Variants in YWHAG observed in about 807,000 individuals in gnomAD.
YWHAG encodes the protein 14-3-3 protein gamma.
YWHAG carries 1 observed loss-of-function variant against 23.3 expected under a neutral mutation model. That is an observed-to-expected ratio of 0.04 (90% CI 0.02 to 0.20). The LOEUF (loss-of-function observed/expected upper bound fraction) is 0.20. Ranked by LOEUF, YWHAG falls within the 10% of genes least tolerant of loss-of-function variation. The probability of loss-of-function intolerance (pLI) is 1.00; values close to 1 mark genes in which losing one functional copy is unlikely to be tolerated. For missense variants in YWHAG, 151 were observed against 338.6 expected (o/e 0.45, Z 4.35); for synonymous variants, 160 against 144.0 (o/e 1.11, Z -0.80).
chr7:76,336,028 A>T (rs1803610872), intron 1 of YWHAG, among the ~76,000 whole-genome samples: 1 of 152,202 alleles, frequency 6.6e-6, no homozygotes, highest in South Asian at 2.1e-4. Context: ...TCGGGGCTCA[A>T]GCAATCAATC....
chr7:76,341,218 C>A (rs956092781), intron 1 of YWHAG, among the ~76,000 whole-genome samples: 2 of 151,882 alleles, frequency 1.3e-5, no homozygotes, highest in East Asian at 3.9e-4. Flanking sequence ...CATGGTGAAA[C>A]CCCATCTCTA....
chr7:76,336,851 C>T (rs1156297779), intron 1 of YWHAG, among the ~76,000 whole-genome samples: 1 of 150,966 alleles, frequency 6.6e-6, no homozygotes, highest in African/African-American at 2.4e-5. Flanking sequence ...AATATTGTCA[C>T]CTGAAAGGGC....
intron 1 of YWHAG, among the ~76,000 whole-genome samples, chr7:76,356,417 A>T (rs1803960054): frequency 6.6e-6 from 1 of 152,260 alleles, no homozygotes; most frequent in Non-Finnish European, 1.5e-5. Context: ...AAGGAGCAGA[A>T]GCACAAATCT....
At chr7:76,341,404 C>CAAAA (rs1158151013) in intron 1 of YWHAG, among the ~76,000 whole-genome samples, 1,225 of 44,642 alleles carry the variant, frequency 0.027, 188 homozygotes, top group Non-Finnish European at 0.033. Flanking sequence ...ACTCTTGCCT[C>CAAAA]AAAAAAAAAA....
At chr7:76,337,435 T>G (rs1803631863) in intron 1 of YWHAG, among the ~76,000 whole-genome samples, 1 of 152,182 alleles carries the variant, frequency 6.6e-6, no homozygotes, top group African/African-American at 2.4e-5. Context: ...CAGCTTGGAA[T>G]AATGATGCGT....
At chr7:76,339,566 T>C (rs1803661665) in intron 1 of YWHAG, among the ~76,000 whole-genome samples, 2 of 152,168 alleles carry the variant, frequency 1.3e-5, no homozygotes, top group South Asian at 4.1e-4. Flanking sequence ...AGTAATAACA[T>C]ACAGAATACA....
At chr7:76,358,594 C>G (rs1360528394) in intron 1 of YWHAG, 128 bp downstream of exon 1, 3 of 941,936 alleles carry the variant, frequency 3.2e-6, no homozygotes, top group Non-Finnish European at 4.6e-6. Context: ...TCCCCAGCCC[C>G]CCTCAGTGAG....
rs1804001033 is a variant in YWHAG, at chr7:76,358,633, G to C, written c.87+89C>G. 7.5e-6 allele frequency: 10 copies of C among 1,329,410 alleles called. 1 individual carries two copies. The South Asian group carries it at 1.4e-4, about 19-fold the overall frequency. 82.4% of individuals were successfully genotyped at this position (1,329,410 alleles called of 1,614,324 possible). ...GACGGGGCGGTCAACCCGCCATCGC[G>C]ACAGGGCGACGAAGCCCCGGGCCTT... On this transcript the variant is annotated intron_variant, in intron 1 of 1. Coordinates refer to ENST00000307630, the MANE Select transcript of YWHAG (RefSeq NM_012479.4).
intron 1 of YWHAG, among the ~76,000 whole-genome samples, chr7:76,337,188 G>A (rs1032798305): frequency 1.3e-5 from 2 of 152,164 alleles, no homozygotes; most frequent in Admixed American, 1.3e-4. Flanking sequence ...TTACAAGGCT[G>A]GTCTCTGGCT....
intron 1 of YWHAG, among the ~76,000 whole-genome samples, chr7:76,358,076 T>C (rs79712924): frequency 0.017 from 2,553 of 152,340 alleles, 70 homozygotes; most frequent in African/African-American, 0.057. Flanking sequence ...GCCGGAGGAC[T>C]TGCTTTGGGC....
intron 1 of YWHAG, among the ~76,000 whole-genome samples, chr7:76,336,345 G>T (rs1355342357): frequency 6.6e-6 from 1 of 152,114 alleles, no homozygotes; most frequent in Admixed American, 6.6e-5. Flanking sequence ...GTACCCCTCT[G>T]GTGGGGGCTG....
Position 76,329,483 on chromosome 7 carries a change from T to G in YWHAG, c.*94A>C. ...GGTTTCTCCCTGGGAAGGTCATCCC[T>G]CCCTTTCCCTCCCCCACCCGACCCC... is the stretch of plus-strand genomic sequence containing the variant. On this transcript the variant is annotated 3_prime_UTR_variant, in exon 2 of 2. Coordinates refer to ENST00000307630, the MANE Select transcript of YWHAG (RefSeq NM_012479.4). This position sits in a 1 kb window ranked among gnomAD's most constrained non-coding sequence, Gnocchi z 6.1. 24 of 973,612 alleles carry G rather than the reference T, an allele frequency of 2.5e-5. No homozygotes were observed. Among genetic ancestry groups the G allele is most frequent in the East Asian group, 3.4e-5 (1 of 29,460 alleles). 60.3% of individuals were successfully genotyped at this position (973,612 alleles called of 1,614,324 possible). A position where few individuals can be genotyped will look rare whatever the true frequency, so the allele number is the denominator to read the frequency against.
chr7:76,352,439 T>C (rs1803889361), intron 1 of YWHAG, among the ~76,000 whole-genome samples: 1 of 152,066 alleles, frequency 6.6e-6, no homozygotes, highest in South Asian at 2.1e-4. Context: ...GCCACTGCTG[T>C]CACTGTCATA....
intron 1 of YWHAG, among the ~76,000 whole-genome samples, chr7:76,334,982 G>C (rs1803596214): frequency 6.6e-6 from 1 of 152,178 alleles, no homozygotes; most frequent in African/African-American, 2.4e-5. Context: ...TTATTCCCCA[G>C]AGTTGTATGT....
In YWHAG at chr7:76,329,489, T is replaced by TGCCTCCC; in HGVS notation, c.*87_*88insGGGAGGC. 1 of 1,024,228 alleles carries TGCCTCCC rather than the reference T, an allele frequency of 9.8e-7. No individual in the cohort carries two copies. Among genetic ancestry groups the TGCCTCCC allele is most frequent in the Admixed American group, 3.0e-5 (1 of 33,648 alleles). 63.4% of individuals were successfully genotyped at this position (1,024,228 alleles called of 1,614,324 possible). On this transcript the variant is annotated 3_prime_UTR_variant, in exon 2 of 2. Coordinates refer to ENST00000307630, the MANE Select transcript of YWHAG (RefSeq NM_012479.4). The surrounding 1 kb of genome is among the most constrained non-coding windows in gnomAD (Gnocchi z 6.1). ...TCCCTGGGAAGGTCATCCCTCCCTTTCCCTCCCCCACCCGACCCCCAACTC... is the reference window on the plus strand; with the variant it reads ...TCCCTGGGAAGGTCATCCCTCCCTTTGCCTCCCCCCTCCCCCACCCGACCCCCAACTC...
intron 1 of YWHAG, among the ~76,000 whole-genome samples, chr7:76,350,398 A>G (rs1803856431): frequency 6.6e-6 from 1 of 152,224 alleles, no homozygotes; most frequent in Non-Finnish European, 1.5e-5. Flanking sequence ...TTTTCCAGCA[A>G]TTCCCCTCTT....
intron 1 of YWHAG, among the ~76,000 whole-genome samples, chr7:76,347,760 T>C (rs181575062): frequency 1.8e-3 from 272 of 152,364 alleles, no homozygotes; most frequent in African/African-American, 6.4e-3. Context: ...TTTTACTTGC[T>C]ATACAAAAGG....
intron 1 of YWHAG, among the ~76,000 whole-genome samples, chr7:76,343,764 A>G (rs1283404038): frequency 6.6e-6 from 1 of 152,178 alleles, no homozygotes; most frequent in Non-Finnish European, 1.5e-5. Flanking sequence ...AGTGCCTGTG[A>G]GCTGGGACTC....
rs766018409 is a variant in YWHAG at position 76,329,886 on chromosome 7, C to A, written c.435G>T (p.Thr145=). The A allele has an allele frequency of 6.2e-7, 1 of 1,613,974 alleles. No homozygotes were observed. Among genetic ancestry groups the A allele is most frequent in the Non-Finnish European group, 8.5e-7 (1 of 1,179,984 alleles). The change falls in exon 2 of 2, where the codon ACG becomes ACT. Residue 145 remains threonine (T), a synonymous_variant. Transcript: ENST00000307630. This position sits in a 1 kb window ranked among gnomAD's most constrained non-coding sequence, Gnocchi z 6.1. ...AEVATGEKRA[T]VVESSEKAYS... is the part of the protein sequence containing the mutation. ...AGGCCTTCTCGGAGGACTCCACCAC[C>A]GTCGCCCTTTTCTCTCCGGTGGCCA...
Sources: allele counts gnomAD v4.1 joint callset (sites outside exome capture counted in the v4.1 genomes callset), GRCh38; gene constraint gnomAD v4.1.1; non-coding constraint Gnocchi (gnomAD v3.1); transcripts MANE v1.5; gene names NCBI Gene and HGNC (gene_info 2026-07-23, HGNC 2026-07-21).